Variants in ABCB7 observed in about 807,000 individuals in gnomAD.
The protein encoded by ABCB7 is ATP binding cassette subfamily B member 7.
Under a neutral mutation model 54.4 loss-of-function variants are expected in ABCB7, and 7 were observed. The ratio of observed to expected loss-of-function variants is 0.13; its 90% CI spans 0.07 to 0.24. The LOEUF is 0.24. ABCB7 is among the 10% of genes least tolerant of loss of function. ABCB7 has a pLI of 1.00. For synonymous variants in ABCB7, 218 were observed against 207.1 expected, an observed-to-expected ratio of 1.05 and a Z score of -0.45; for missense variants, 356 against 570.4, an observed-to-expected ratio of 0.62 and a Z score of 3.83.
intron 1 of ABCB7, among the ~76,000 whole-genome samples, chrX:75,152,465 T>C (rs1337008364): frequency 1.8e-5 from 2 of 112,115 alleles, no homozygotes; most frequent in Non-Finnish European, 1.9e-5. Context: ...CTCTTGCTTA[T>C]AAGTCATGTA....
chrX:75,079,705 A>G lies in ABCB7; in HGVS notation c.454-3051T>C, dbSNP rs143616669. 8.1e-3 allele frequency among the ~76,000 whole-genome samples: 904 copies of G among 111,595 alleles called. 11 individuals carry two copies. The highest frequency in any genetic ancestry group is 0.027 in the African/African-American group (831 of 30,622). On this transcript the variant is annotated intron_variant, in intron 4 of 15. Transcript: ENST00000373394. The stretch of plus-strand genomic sequence containing the variant: ...CAGTTTTCACCAACTTTTAGCTTGT[A>G]TTCATGTGTATCTGTGTGTAGTACG...
At chrX:75,059,957 C>T (rs1180605617) in intron 15 of ABCB7, among the ~76,000 whole-genome samples, 5 of 111,654 alleles carry the variant, frequency 4.5e-5, no homozygotes, top group Non-Finnish European at 9.4e-5. Flanking sequence ...TATATATGCA[C>T]CATTGAAAAA....
chrX:75,128,865 T>C (rs2081954214), intron 1 of ABCB7, among the ~76,000 whole-genome samples: 1 of 112,115 alleles, frequency 8.9e-6, no homozygotes, highest in African/African-American at 3.2e-5. Context: ...TCACTGCTCA[T>C]TAGAGAAATG....
intron 3 of ABCB7, among the ~76,000 whole-genome samples, chrX:75,109,099 A>C (rs904061266): frequency 2.7e-5 from 3 of 112,004 alleles, no homozygotes; most frequent in African/African-American, 9.7e-5. Context: ...TGGAAGTACC[A>C]AACTCAGTAG....
At chrX:75,115,266 CAA>C (rs1160024642) in intron 1 of ABCB7, among the ~76,000 whole-genome samples, 126 of 13,182 alleles carry the variant, frequency 9.6e-3, no homozygotes, top group African/African-American at 0.041. Flanking sequence ...GACTCTGTCT[CAA>C]AAAAAAAAAA....
chrX:75,104,339 A>G (rs2081670217), intron 3 of ABCB7, among the ~76,000 whole-genome samples: 1 of 108,831 alleles, frequency 9.2e-6, no homozygotes, highest in African/African-American at 3.3e-5. Flanking sequence ...AAATACGTGT[A>G]ATCAGAAATG....
At chrX:75,066,409 A>T (rs1484614530) in intron 12 of ABCB7, among the ~76,000 whole-genome samples, 2 of 111,733 alleles carry the variant, frequency 1.8e-5, no homozygotes, top group Non-Finnish European at 3.8e-5. Flanking sequence ...ATAAACAGAA[A>T]CTGCTTATTT....
chrX:75,073,171 TTAGAAG>T (rs2081378893), intron 8 of ABCB7, among the ~76,000 whole-genome samples: 2 of 111,581 alleles, frequency 1.8e-5, no homozygotes, highest in African/African-American at 6.5e-5. Flanking sequence ...AACTTTGTTT[TTAGAAG>T]TAGAAGGCGT....
At chrX:75,078,180 G>A (rs753533150) in intron 4 of ABCB7, among the ~76,000 whole-genome samples, 2 of 110,285 alleles carry the variant, frequency 1.8e-5, no homozygotes, top group Non-Finnish European at 3.8e-5. Context: ...CCAAAGTGCT[G>A]AGATTACAGG....
intron 1 of ABCB7, among the ~76,000 whole-genome samples, chrX:75,127,311 ATGATTATCTCAAT>A (rs2081940295): frequency 8.9e-6 from 1 of 111,914 alleles, no homozygotes; most frequent in Non-Finnish European, 1.9e-5. Context: ...AAAAAACCAC[ATGATTATCTCAAT>A]AGATGCAGAA....
At position 75,051,273 on chromosome X, in the gene ABCB7, T is replaced by C. The variant is rs2081194861; in HGVS notation, c.*2097A>G. 9.0e-6 allele frequency among the ~76,000 whole-genome samples: 1 copy of C among 111,637 alleles called. No individual in the cohort carries two copies. Among genetic ancestry groups the C allele is most frequent in the Non-Finnish European group, 1.9e-5 (1 of 53,071 alleles). On this transcript the variant is annotated 3_prime_UTR_variant, in exon 16 of 16. Transcript: ENST00000373394. ...CGAAATACTGGTTTCATGTTACTTA[T>C]CAAATTACCTTTATATAGCAAGAGT...
At chrX:75,123,028 C>A (rs905170533) in intron 1 of ABCB7, among the ~76,000 whole-genome samples, 1 of 111,010 alleles carries the variant, frequency 9.0e-6, no homozygotes, top group Non-Finnish European at 1.9e-5. Flanking sequence ...AAAAGCTTTT[C>A]AGTTTGATTT....
intron 1 of ABCB7, among the ~76,000 whole-genome samples, chrX:75,123,932 A>G (rs2081903189): frequency 8.9e-6 from 1 of 112,086 alleles, no homozygotes; most frequent in African/African-American, 3.2e-5. Flanking sequence ...GCTCCAATAA[A>G]ACTTTATGTA....
At position 75,119,650 on chromosome X, in the gene ABCB7, AG is replaced by A. The variant is rs760856404; in HGVS notation, c.169-4820del. On this transcript the variant is annotated intron_variant, in intron 1 of 15. Transcript: ENST00000373394. ...CATTTAGTATAAAAATCATACAGGA[AG>A]CACTGTCAAATATGAAATGGTATTT... 2.1e-3 allele frequency among the ~76,000 whole-genome samples: 240 copies of A among 112,153 alleles called. 1 individual carries two copies. The highest frequency in any genetic ancestry group is 3.8e-3 in the Non-Finnish European group (203 of 53,257).
At chrX:75,146,977 A>G (rs1473981464) in intron 1 of ABCB7, among the ~76,000 whole-genome samples, 2 of 103,475 alleles carry the variant, frequency 1.9e-5, no homozygotes, top group Non-Finnish European at 3.8e-5. Flanking sequence ...AATTTACAAG[A>G]AAAAAAAACA....
intron 4 of ABCB7, among the ~76,000 whole-genome samples, chrX:75,077,751 C>T (rs1210345665): frequency 9.0e-6 from 1 of 111,273 alleles, no homozygotes; most frequent in Admixed American, 9.6e-5. Context: ...ATACACAGCA[C>T]ATGTTGGGAT....
intron 1 of ABCB7, among the ~76,000 whole-genome samples, chrX:75,118,056 T>C (rs2081839657): frequency 8.9e-6 from 1 of 112,517 alleles, no homozygotes; most frequent in South Asian, 3.7e-4. Flanking sequence ...TTTGTCTTTC[T>C]GTATCATTCT....
At chrX:75,080,120 G>A (rs1000203305) in intron 4 of ABCB7, among the ~76,000 whole-genome samples, 5 of 111,870 alleles carry the variant, frequency 4.5e-5, no homozygotes, top group African/African-American at 1.6e-4. Context: ...TCACCCCGAA[G>A]GACATTTTGG....
chrX:75,066,652 C>G (rs2081320782), intron 12 of ABCB7, among the ~76,000 whole-genome samples: 2 of 107,559 alleles, frequency 1.9e-5, no homozygotes, highest in Non-Finnish European at 3.8e-5. Context: ...TGTTAGATAC[C>G]TTAAATATAT....
Sources: gnomAD v4.1 joint callset for allele counts (sites outside exome capture counted in the v4.1 genomes callset) on GRCh38, gnomAD v4.1.1 for gene constraint, MANE v1.5 for transcripts, NCBI Gene and HGNC (gene_info 2026-07-23, HGNC 2026-07-21) for gene names.